PAPOLG: variants seen among roughly 807,000 people sequenced by gnomAD.
The protein encoded by PAPOLG is PAP-gamma.
In PAPOLG, 40 loss-of-function variants were observed where a neutral mutation model predicts 99.0. The observed-to-expected ratio is 0.40, with a 90% CI of 0.31 to 0.53. The LOEUF is 0.53. PAPOLG is among the 20% of genes least tolerant of loss of function. PAPOLG has a pLI of 0.41. For missense variants in PAPOLG, 675 were observed against 884.1 expected (o/e 0.76, Z 3.00); for synonymous variants, 310 against 299.3 (o/e 1.04, Z -0.37).
chr2:60,797,147 C>T lies in PAPOLG; in HGVS notation c.2198C>T (p.Thr733Ile). 24 of 1,614,102 alleles carry T rather than the reference C, an allele frequency of 1.5e-5. No homozygotes were observed. Among genetic ancestry groups the T allele is most frequent in the Non-Finnish European group, 2.0e-5 (24 of 1,179,988 alleles). Residue 733 changes from threonine to isoleucine, a missense_variant, in exon 22 of 22, where the codon ACC becomes ATC. Physicochemically the swap from Thr to Ile is moderately conservative, Grantham distance 89. This residue lies in a region of PAPOLG where 413 missense variants were observed against 460.5 expected (regional missense o/e 0.90). Coordinates refer to ENST00000238714, the MANE Select transcript of PAPOLG (RefSeq NM_022894.4). ...GTCATCAAAAATTCCATTCGACTGA[C>T]CCTTAATCGGTAAAAGCAGTGCCTC... ...IRVIKNSIRL[T>I]LNR
At chr2:60,764,728 G>T (rs1670623160) in intron 3 of PAPOLG, among the ~76,000 whole-genome samples, 1 of 152,108 alleles carries the variant, frequency 6.6e-6, no homozygotes, top group South Asian at 2.1e-4. Context: ...ACCCGGTCTA[G>T]AATTCTTTCT....
In PAPOLG at chr2:60,794,958, T is replaced by G; in HGVS notation, c.2056-6T>G. The G allele has an allele frequency of 6.2e-7, 1 of 1,612,610 alleles. No individual in the cohort carries two copies. The highest frequency in any genetic ancestry group is 1.3e-5 in the African/African-American group (1 of 74,920). The stretch of plus-strand genomic sequence containing the variant: ...TTTTCACTTGTGTTGATTCTTCTGT[T>G]TTTAGGATGCCATTGGAGGAGAATC... On this transcript the variant is annotated splice_polypyrimidine_tract_variant and splice_region_variant and intron_variant, in intron 20 of 21. Transcript: ENST00000238714.
chr2:60,786,537 T>C (rs1440009669), intron 13 of PAPOLG, among the ~76,000 whole-genome samples: 5 of 150,270 alleles, frequency 3.3e-5, no homozygotes, highest in Non-Finnish European at 5.9e-5. Context: ...GGCCTGAAAT[T>C]TTTTTTTTTG....
intron 10 of PAPOLG, among the ~76,000 whole-genome samples, 199 bp from the exon 11 acceptor site, chr2:60,781,686 G>T (rs548635554): frequency 2.5e-4 from 38 of 152,290 alleles, no homozygotes; most frequent in African/African-American, 9.1e-4. Context: ...ATATACTTCT[G>T]CAGTATTTCC....
intron 6 of PAPOLG, among the ~76,000 whole-genome samples, chr2:60,771,021 AT>A (rs772509248): frequency 3.0e-4 from 45 of 152,230 alleles, no homozygotes; most frequent in Non-Finnish European, 3.5e-4. Context: ...TTTCCTAGAT[AT>A]GACATTTTTA....
At chr2:60,776,927 T>C (rs752739961) in intron 8 of PAPOLG, among the ~76,000 whole-genome samples, 7 of 152,244 alleles carry the variant, frequency 4.6e-5, no homozygotes, top group Non-Finnish European at 8.8e-5. Context: ...CTAGATCTTC[T>C]GGATAACTTC....
chr2:60,785,214 C>A (rs1234797313), intron 13 of PAPOLG, among the ~76,000 whole-genome samples: 1 of 152,068 alleles, frequency 6.6e-6, no homozygotes, highest in East Asian at 1.9e-4. Context: ...TCTCAGCTCA[C>A]TGAAAGCTCC....
chr2:60,794,103 T>G lies in PAPOLG; in HGVS notation c.1901T>G (p.Met634Arg), dbSNP rs768544740. 4 of 1,614,110 alleles carry G rather than the reference T, an allele frequency of 2.5e-6. No individual in the cohort carries two copies. Among genetic ancestry groups the G allele is most frequent in the South Asian group, 2.2e-5 (2 of 91,084 alleles). ...CAGGGACAACCGCATCTGAATGGAA[T>G]GTCAAATATAACTAAGACTGTTACA... is the stretch of plus-strand genomic sequence containing the variant. ...PAQGQPHLNG[M>R]SNITKTVTPK... Residue 634 changes from methionine to arginine, a missense_variant, in exon 19 of 22, where the codon ATG (methionine) becomes AGG (arginine). This residue lies in a region of PAPOLG where 413 missense variants were observed against 460.5 expected (regional missense o/e 0.90). Coordinates refer to ENST00000238714, the MANE Select transcript of PAPOLG (RefSeq NM_022894.4).
intron 13 of PAPOLG, among the ~76,000 whole-genome samples, chr2:60,784,151 T>C (rs1313028738): frequency 6.6e-6 from 1 of 152,066 alleles, no homozygotes; most frequent in East Asian, 1.9e-4. Flanking sequence ...TTTTGTACTT[T>C]TAGTAGAGAC....
intron 3 of PAPOLG, among the ~76,000 whole-genome samples, chr2:60,765,166 T>TCAAG (rs1044339036): frequency 6.6e-6 from 1 of 150,784 alleles, no homozygotes; most frequent in Non-Finnish European, 1.5e-5. Context: ...ACTCCTAGGC[T>TCAAG]CAAGCAATCC....
At chr2:60,780,543 T>C (rs1671156846) in intron 9 of PAPOLG, 164 bp from the exon 10 acceptor site, 1 of 206,402 alleles carries the variant, frequency 4.8e-6, no homozygotes, top group Admixed American at 6.5e-5. Flanking sequence ...CCCAGAGTAC[T>C]GGGATTACAG....
intron 3 of PAPOLG, among the ~76,000 whole-genome samples, chr2:60,766,235 A>G (rs1201508533): frequency 2.6e-5 from 4 of 152,242 alleles, no homozygotes; most frequent in Admixed American, 2.0e-4. Context: ...GTCAGTAAAT[A>G]TAGCAAAAAA....
At chr2:60,794,520 G>T (rs778476638) in intron 19 of PAPOLG, 190 bp from the exon 20 acceptor site, 4 of 607,478 alleles carry the variant, frequency 6.6e-6, no homozygotes, top group Non-Finnish European at 1.1e-5. Flanking sequence ...TAACCAAAAA[G>T]ATCACCCAAA....
Position 60,779,572 on chromosome 2 carries a change from GAA to G in PAPOLG, c.695-57_695-56del, listed in dbSNP as rs1671129842. On this transcript the variant is annotated intron_variant, in intron 8 of 21. Transcript: ENST00000238714. ...ATATTCATTCACCTTGTAAAGAGCA[GAA>G]AAAAAAAGAATGTCACAGATAGTAG... 9.4e-6 allele frequency: 14 copies of G among 1,481,924 alleles called. No homozygotes were observed. In the East Asian group the frequency reaches 1.4e-4, roughly 15 times the overall value. The allele number at this position is 1,481,924 out of a possible 1,614,324, so 91.8% of individuals were successfully genotyped here. A position where few individuals can be genotyped will look rare whatever the true frequency, so the allele number is the denominator to read the frequency against.
chr2:60,783,004 G>T, intron 12 of PAPOLG, 152 bp from the exon 13 acceptor site: 1 of 879,370 alleles, frequency 1.1e-6, no homozygotes, highest in Non-Finnish European at 1.6e-6. Context: ...AATTAATTTT[G>T]TGAAAATCAG....
Position 60,771,564 on chromosome 2 carries a change from A to C in PAPOLG, c.538A>C (p.Asn180His). The part of the protein sequence containing the change: ...ARLAIQTISD[N>H]LDLRDDSRLR... The stretch of plus-strand genomic sequence containing the variant: ...ACTGGCAATACAAACCATATCAGAT[A>C]ATTTAGATCTAAGAGACGACTCTCG... The change falls in exon 7 of 22, where the codon AAT becomes CAT. Residue 180 changes from asparagine (N) to histidine (H), a missense_variant. Physicochemically the swap from Asn to His is moderately conservative, Grantham distance 68 (BLOSUM62 1). Around this residue, in one of 3 missense-constraint regions of PAPOLG, gnomAD observed 113 missense variants for 231.5 expected, o/e 0.49. Coordinates refer to ENST00000238714, the MANE Select transcript of PAPOLG (RefSeq NM_022894.4). 1 of 1,608,126 alleles carries C rather than the reference A, an allele frequency of 6.2e-7. No individual in the cohort carries two copies. Among genetic ancestry groups the C allele is most frequent in the East Asian group, 2.2e-5 (1 of 44,568 alleles).
intron 15 of PAPOLG, among the ~76,000 whole-genome samples, chr2:60,788,468 C>T (rs1386252074): frequency 6.6e-6 from 1 of 152,054 alleles, no homozygotes; most frequent in Non-Finnish European, 1.5e-5. Context: ...ATTACAGGTG[C>T]GTGCCACCAG....
rs1192740484 is a variant in PAPOLG, at chr2:60,791,089, A to C, written c.1397-672A>C. On this transcript the variant is annotated intron_variant, in intron 15 of 21. Transcript: ENST00000238714. ...GGATGACAGAGCGAGAGTCTGTGTC[A>C]AAAAAAAAAAAGAATTAGCTTAGAC... Among the ~76,000 whole-genome samples, 4 of 104,334 alleles carry C rather than the reference A, an allele frequency of 3.8e-5. No individual in the cohort carries two copies. In the East Asian group the frequency reaches 7.9e-4, roughly 20 times the overall value. The allele number at this position is 104,334 out of a possible 152,430, so 68.4% of individuals were successfully genotyped here.
Position 60,798,100 on chromosome 2 carries a change from C to A in PAPOLG, c.*940C>A, listed in dbSNP as rs1346980611. 6.5e-6 allele frequency: 1 copy of A among 152,688 alleles called. No individual in the cohort carries two copies. The highest frequency in any genetic ancestry group is 1.5e-5 in the Non-Finnish European group (1 of 68,030). 9.5% of individuals were successfully genotyped at this position (152,688 alleles called of 1,614,324 possible). A position where few individuals can be genotyped will look rare whatever the true frequency, so the allele number is the denominator to read the frequency against. ...GTAAAATTAACTTGGCATGATAATT[C>A]CTGATCATTATTTACCCCACAACTT... On this transcript the variant is annotated 3_prime_UTR_variant, in exon 22 of 22. Transcript: ENST00000238714.
Sources: gnomAD v4.1 joint callset for allele counts (sites outside exome capture counted in the v4.1 genomes callset) on GRCh38, gnomAD v4.1.1 for gene constraint, gnomAD v4.1.1 regional missense constraint, MANE v1.5 for transcripts, NCBI Gene and HGNC (gene_info 2026-07-23, HGNC 2026-07-21) for gene names.